Variants in CR1 observed in about 807,000 individuals in gnomAD.
CR1 encodes the protein complement receptor type 1.
A neutral mutation model predicts 187.3 loss-of-function variants in CR1; 116 were observed. The ratio of observed to expected loss-of-function variants is 0.62; its 90% CI spans 0.53 to 0.72. The LOEUF is 0.72. Ranked by LOEUF, CR1 falls within the 30% of genes least tolerant of loss-of-function variation. The pLI is 0.00. For synonymous variants in CR1, 576 were observed against 747.1 expected (o/e 0.77, Z 3.73); for missense variants, 1,731 against 2,110.7 (o/e 0.82, Z 3.52).
At chr1:207,580,907 T>C (rs1041849238) in intron 31 of CR1, among the ~76,000 whole-genome samples, 1 of 152,104 alleles carries the variant, frequency 6.6e-6, no homozygotes, top group African/African-American at 2.4e-5. Context: ...GAGACTAATA[T>C]CTGAAACAAT....
In CR1 at chr1:207,635,392, A is replaced by G. The variant is rs56178705; in HGVS notation, c.7458-4005A>G. ...ACGTGAACAAAGGTCTCGGCATCAT[A>G]AACAAGGTAAAGAATTAACTGCTGT... On this transcript the variant is annotated intron_variant, in intron 46 of 46. Transcript: ENST00000367049. 1.3e-3 allele frequency among the ~76,000 whole-genome samples: 196 copies of G among 152,324 alleles called. 2 individuals carry two copies. The highest frequency in any genetic ancestry group is 0.01 in the Middle Eastern group (3 of 294).
chr1:207,623,112 C>A, intron 45 of CR1, 44 bp downstream of exon 45: 5 of 1,352,222 alleles, frequency 3.7e-6, no homozygotes, highest in Non-Finnish European at 5.1e-6. Flanking sequence ...ACTGTACTTA[C>A]CCCCTCTTGG....
chr1:207,509,011 AAACTC>A (rs1333320513), intron 3 of CR1, among the ~76,000 whole-genome samples: 1 of 152,218 alleles, frequency 6.6e-6, no homozygotes, highest in Non-Finnish European at 1.5e-5. Context: ...GTGCTCAAAT[AAACTC>A]TATCCTTAAA....
At chr1:207,612,410 A>G (rs1661961988) in intron 39 of CR1, among the ~76,000 whole-genome samples, 1 of 152,266 alleles carries the variant, frequency 6.6e-6, no homozygotes, top group African/African-American at 2.4e-5. Flanking sequence ...CATAAGAAGT[A>G]AGGTAGAGGT....
At chr1:207,564,963 G>C (rs1431335932) in intron 23 of CR1, among the ~76,000 whole-genome samples, 1 of 150,332 alleles carries the variant, frequency 6.7e-6, no homozygotes, top group African/African-American at 2.5e-5. Flanking sequence ...TAATAGGACT[G>C]AAAATGTAAA....
At chr1:207,618,311 G>C in intron 42 of CR1, 64 bp downstream of exon 42, 1 of 1,444,264 alleles carries the variant, frequency 6.9e-7, no homozygotes, top group East Asian at 2.3e-5. Flanking sequence ...GGCTTGTAAG[G>C]CTGAGAGACA....
chr1:207,637,565 C>G (rs891855602), intron 46 of CR1, among the ~76,000 whole-genome samples: 3 of 152,234 alleles, frequency 2.0e-5, no homozygotes, highest in African/African-American at 7.2e-5. Flanking sequence ...ATGGGACTGA[C>G]AGTAGGTACT....
intron 4 of CR1, among the ~76,000 whole-genome samples, chr1:207,522,091 T>G (rs1660016567): frequency 6.6e-6 from 1 of 152,192 alleles, no homozygotes; most frequent in African/African-American, 2.4e-5. Context: ...TCTCCAAATA[T>G]CTGGTTATCT....
intron 3 of CR1, among the ~76,000 whole-genome samples, chr1:207,510,812 T>C (rs747771030): frequency 1.3e-5 from 2 of 148,450 alleles, no homozygotes; most frequent in African/African-American, 5.1e-5. Flanking sequence ...GCTTTCTTTC[T>C]TTCCTTTTTA....
At chr1:207,616,499 C>T (rs775723968) in intron 40 of CR1, 76 bp from the exon 41 acceptor site, 128 of 1,471,816 alleles carry the variant, frequency 8.7e-5, no homozygotes, top group Non-Finnish European at 1.1e-4. Flanking sequence ...TTTAAGCGCA[C>T]AGTCACAGGT....
At chr1:207,602,272 T>C (rs1438575856) in intron 35 of CR1, among the ~76,000 whole-genome samples, 1 of 152,100 alleles carries the variant, frequency 6.6e-6, no homozygotes, top group African/African-American at 2.4e-5. Flanking sequence ...TAAACTGTTA[T>C]GGAACATAGA....
At position 207,524,020 on chromosome 1, in the gene CR1, C is replaced by G. The variant is rs1175587000; in HGVS notation, c.886+11C>G. The G allele has an allele frequency of 5.0e-6, 8 of 1,611,628 alleles. No homozygotes were observed. The highest frequency in any genetic ancestry group is 1.3e-5 in the African/African-American group (1 of 74,740). ...CAAGCTGCTCCAGGGGTGAGTCTGA[C>G]TGAGGCCTAGAAGGGCCCTGCCAGT... On this transcript the variant is annotated intron_variant, in intron 5 of 46. Coordinates refer to ENST00000367049, the MANE Select transcript of CR1 (RefSeq NM_000651.6).
At chr1:207,598,164 T>C (rs761636758) in intron 35 of CR1, among the ~76,000 whole-genome samples, 38 of 152,212 alleles carry the variant, frequency 2.5e-4, no homozygotes, top group Non-Finnish European at 7.3e-5. Context: ...TAAGCAGTGA[T>C]AATGGTTGTA....
intron 4 of CR1, among the ~76,000 whole-genome samples, chr1:207,521,933 C>T (rs751882403): frequency 2.2e-4 from 33 of 151,472 alleles, no homozygotes; most frequent in Non-Finnish European, 2.9e-4. Context: ...CCTCCCATAG[C>T]GTTAGAATTA....
At chr1:207,639,089 C>T (rs1013142965) in intron 46 of CR1, among the ~76,000 whole-genome samples, 3 of 152,218 alleles carry the variant, frequency 2.0e-5, no homozygotes, top group African/African-American at 4.8e-5. Flanking sequence ...CTCATTTTCC[C>T]GACAATGGTT....
Position 207,496,308 on chromosome 1 carries a change from C to T in CR1, c.41C>T (p.Pro14Leu). 1 of 1,613,672 alleles carries T rather than the reference C, an allele frequency of 6.2e-7. No homozygotes were observed. The highest frequency in any genetic ancestry group is 1.1e-5 in the South Asian group (1 of 91,064). Residue 14 changes from proline (P) to leucine (L), a missense_variant, in exon 1 of 47, where the codon CCG becomes CTG. By Grantham distance (98) the Pro-to-Leu change is moderately conservative (BLOSUM62 -3). This residue lies in a region of CR1 where 237 missense variants were observed against 240.4 expected (regional missense o/e 0.99). Coordinates refer to ENST00000367049, the MANE Select transcript of CR1 (RefSeq NM_000651.6). The part of the protein sequence containing the change: ...SSPRSPEPVG[P>L]PAPGLPFCCG... ...CCAAGAAGCCCGGAGCCTGTCGGGCCGCCGGCGCCCGGTCTCCCCTTCTGC... is the reference window on the plus strand; with the variant it reads ...CCAAGAAGCCCGGAGCCTGTCGGGCTGCCGGCGCCCGGTCTCCCCTTCTGC...
At position 207,613,662 on chromosome 1, in the gene CR1, A is replaced by G. The variant is rs530839305; in HGVS notation, c.6576-742A>G. ...TCCATTACTCTTGGTGGTGTGCACT[A>G]TGAGTCTGGAGGGATAACTAGATTG... is the stretch of plus-strand genomic sequence containing the variant. On this transcript the variant is annotated intron_variant, in intron 39 of 46. Coordinates refer to ENST00000367049, the MANE Select transcript of CR1 (RefSeq NM_000651.6). 7.9e-5 allele frequency among the ~76,000 whole-genome samples: 12 copies of G among 152,214 alleles called. No homozygotes were observed. In the South Asian group the frequency reaches 2.5e-3, roughly 32 times the overall value.
chr1:207,626,671 G>A (rs751470873), intron 45 of CR1, among the ~76,000 whole-genome samples: 16 of 152,182 alleles, frequency 1.1e-4, no homozygotes, highest in African/African-American at 1.9e-4. Context: ...GCCTAGAGAG[G>A]TGCAGGCTGA....
chr1:207,629,906 GATA>G (rs1299364474), intron 45 of CR1, among the ~76,000 whole-genome samples: 1 of 152,170 alleles, frequency 6.6e-6, no homozygotes, highest in African/African-American at 2.4e-5. Context: ...GTGAAATGGA[GATA>G]ATAATAGTTC....
Sources: gnomAD v4.1 joint callset for allele counts (sites outside exome capture counted in the v4.1 genomes callset) on GRCh38, gnomAD v4.1.1 for gene constraint, gnomAD v4.1.1 regional missense constraint, MANE v1.5 for transcripts, NCBI Gene and HGNC (gene_info 2026-07-23, HGNC 2026-07-21) for gene names.